TUBGCP3: variants seen among roughly 807,000 people sequenced by gnomAD.
TUBGCP3 encodes tubulin gamma complex component 3, also known as gamma-tubulin complex component 3.
In TUBGCP3, 50 loss-of-function variants were observed where a neutral mutation model predicts 123.1. That is an observed-to-expected ratio of 0.41 (90% CI 0.32 to 0.51). TUBGCP3 has a LOEUF of 0.51. Among genes scored for constraint, TUBGCP3 ranks in the 20% least tolerant of loss-of-function variants. The probability of loss-of-function intolerance (pLI) is 0.36; values close to 1 mark genes in which losing one functional copy is unlikely to be tolerated. For synonymous variants in TUBGCP3, 405 were observed against 413.9 expected (o/e 0.98, Z 0.26); for missense variants, 882 against 1,127.0 (o/e 0.78, Z 3.11).
At chr13:112,527,943 C>A (rs1290639573) in intron 11 of TUBGCP3, among the ~76,000 whole-genome samples, 1 of 152,228 alleles carries the variant, frequency 6.6e-6, no homozygotes, top group African/African-American at 2.4e-5. Flanking sequence ...TGTTCACAGA[C>A]AAGTCCCAAG....
At chr13:112,583,916 C>T (rs894916196) in intron 1 of TUBGCP3, 9 of 152,322 alleles carry the variant, frequency 5.9e-5, no homozygotes, top group East Asian at 3.8e-4. Context: ...TTTAATGTTT[C>T]GGATGCCAAG....
chr13:112,573,733 G>A (rs1269176857), intron 1 of TUBGCP3, among the ~76,000 whole-genome samples: 1 of 152,230 alleles, frequency 6.6e-6, no homozygotes, highest in African/African-American at 2.4e-5. Context: ...GCCAGGGTGG[G>A]ATAGCCTGCC....
chr13:112,507,526 G>C (rs1404319950), intron 17 of TUBGCP3, among the ~76,000 whole-genome samples: 4 of 152,212 alleles, frequency 2.6e-5, no homozygotes, highest in Non-Finnish European at 4.4e-5. Flanking sequence ...AGGGACTCTA[G>C]ATTTGTTACA....
chr13:112,489,137 G>A (rs1399514815), intron 21 of TUBGCP3, among the ~76,000 whole-genome samples: 2 of 145,664 alleles, frequency 1.4e-5, no homozygotes, highest in African/African-American at 5.2e-5. Context: ...CCACCACAGT[G>A]GAGCACAGGG....
the TUBGCP3 span, among the ~76,000 whole-genome samples, chr13:112,593,539 G>C: frequency 1.3e-5 from 2 of 152,158 alleles, no homozygotes; most frequent in Non-Finnish European, 2.9e-5. Context: ...CAGGCATGCT[G>C]CCGCGTGCCT....
At chr13:112,522,299 G>C in intron 14 of TUBGCP3, 21 bp downstream of exon 14, 1 of 1,495,534 alleles carries the variant, frequency 6.7e-7, no homozygotes, top group East Asian at 2.3e-5. Context: ...CTTATTTATA[G>C]AAATCAAAAT....
chr13:112,530,976 A>C (rs1353306004), intron 11 of TUBGCP3, among the ~76,000 whole-genome samples: 1 of 152,276 alleles, frequency 6.6e-6, no homozygotes, highest in African/African-American at 2.4e-5. Context: ...AGAATCAAGT[A>C]ATTCTAGCCA....
At chr13:112,536,905 A>G (rs2139130973) in intron 11 of TUBGCP3, among the ~76,000 whole-genome samples, 1 of 152,050 alleles carries the variant, frequency 6.6e-6, no homozygotes, top group African/African-American at 2.4e-5. Flanking sequence ...CCAAGAAGCT[A>G]GGACTACAGG....
chr13:112,527,073 A>T, intron 12 of TUBGCP3, 23 bp from the exon 13 acceptor site: 1 of 1,560,870 alleles, frequency 6.4e-7, no homozygotes, highest in Non-Finnish European at 8.8e-7. Context: ...ACATTCTATG[A>T]TTACTTTTAT....
At chr13:112,563,733 G>A (rs1252228936) in intron 3 of TUBGCP3, among the ~76,000 whole-genome samples, 1 of 149,638 alleles carries the variant, frequency 6.7e-6, no homozygotes, top group Non-Finnish European at 1.5e-5. Flanking sequence ...AAATTAGCCG[G>A]GCGTGTTGGC....
chr13:112,516,615 G>A (rs200995376), intron 16 of TUBGCP3, 40 bp from the exon 17 acceptor site: 32 of 1,600,036 alleles, frequency 2.0e-5, no homozygotes, highest in African/African-American at 6.7e-5. Flanking sequence ...GTATTCCCAC[G>A]TAAGAATCCT....
chr13:112,508,831 C>T lies in TUBGCP3; in HGVS notation c.2087-4117G>A, dbSNP rs949968394. On this transcript the variant is annotated intron_variant, in intron 17 of 21. Transcript: ENST00000261965. This position sits in a 1 kb window ranked among gnomAD's most constrained non-coding sequence, Gnocchi z 4.2. ...CACTGAGACTCCAACCACCTCCTGG[C>T]CTCCGTACACGCATCACCTGGTCCT... Among the ~76,000 whole-genome samples, 2 of 152,104 alleles carry T rather than the reference C, an allele frequency of 1.3e-5. No individual in the cohort carries two copies. The highest frequency in any genetic ancestry group is 2.9e-5 in the Non-Finnish European group (2 of 68,028).
At chr13:112,566,806 T>G (rs1466314717) in intron 2 of TUBGCP3, among the ~76,000 whole-genome samples, 1 of 152,246 alleles carries the variant, frequency 6.6e-6, no homozygotes, top group Non-Finnish European at 1.5e-5. Flanking sequence ...TGATTCTCTA[T>G]TAAATTTTAG....
At chr13:112,601,431 G>C in the TUBGCP3 span, among the ~76,000 whole-genome samples, 1 of 152,188 alleles carries the variant, frequency 6.6e-6, no homozygotes, top group Non-Finnish European at 1.5e-5. Context: ...CTTGAGATGA[G>C]TGTGGATTCA....
chr13:112,562,725 C>A lies in TUBGCP3; in HGVS notation c.252+2386G>T, dbSNP rs544714097. Among the ~76,000 whole-genome samples the A allele has an allele frequency of 1.0e-3, 155 of 152,294 alleles. 2 individuals are homozygous for A. Among genetic ancestry groups the A allele is most frequent in the Non-Finnish European group, 1.4e-3 (98 of 68,026 alleles). On this transcript the variant is annotated intron_variant, in intron 3 of 21. Transcript: ENST00000261965. The stretch of plus-strand genomic sequence containing the variant: ...ACCACCCGAAATCACTTCAGACCTG[C>A]CACCTCAGACTCTGAACTACAGGAC...
chr13:112,590,060 TCCACCTCCTGGGTTCACGCA>T (rs896776402), upstream of TUBGCP3, among the ~76,000 whole-genome samples: 6 of 151,814 alleles, frequency 4.0e-5, no homozygotes, highest in Non-Finnish European at 4.4e-5. Flanking sequence ...TGGCGTGAAC[TCCACCTCCTGGGTTCACGCA>T]ATTCTCCTGC....
rs1248070255 is a variant in TUBGCP3 at position 112,486,004 on chromosome 13, A to G, written c.2713T>C (p.Ser905Pro). The part of the protein sequence containing the change: ...VSLGTRGRRS[S>P]HT ...GAGGACCGCGAGCTTCACGTGTGGGAGCTGCGCCGCCCCCTGGTACCCAGA... is the reference window on the plus strand; with the variant it reads ...GAGGACCGCGAGCTTCACGTGTGGGGGCTGCGCCGCCCCCTGGTACCCAGA... Residue 905 changes from serine to proline, a missense_variant, in exon 22 of 22, where the codon TCC (serine) becomes CCC (proline). Coordinates refer to ENST00000261965, the MANE Select transcript of TUBGCP3 (RefSeq NM_006322.6). The G allele has an allele frequency of 2.5e-6, 4 of 1,600,592 alleles. No individual in the cohort carries two copies. In the Admixed American group the frequency reaches 6.7e-5, roughly 27 times the overall value.
At chr13:112,570,972 G>A (rs946009163) in intron 1 of TUBGCP3, among the ~76,000 whole-genome samples, 10 of 152,164 alleles carry the variant, frequency 6.6e-5, no homozygotes, top group Non-Finnish European at 1.5e-4. Flanking sequence ...ATTTTATCAT[G>A]AGATTGTGGC....
Position 112,499,161 on chromosome 13 carries a change from C to T in TUBGCP3, c.2332G>A (p.Val778Met). Residue 778 changes from valine to methionine, a missense_variant, in exon 20 of 22, where the codon GTG becomes ATG. Val to Met is a conservative substitution (Grantham distance 21). Around this residue, in one of 3 missense-constraint regions of TUBGCP3, gnomAD observed 160 missense variants for 220.3 expected, o/e 0.73. Coordinates refer to ENST00000261965, the MANE Select transcript of TUBGCP3 (RefSeq NM_006322.6). ...TGAAGTTCAATAATTTGATCAAACA[C>T]AGCTCTAAGTTGATTTAAAAGTGCC... Reference protein sequence around the residue: ...SRALLNQLRAVFDQIIELQNA... With the variant: ...SRALLNQLRAMFDQIIELQNA... The T allele has an allele frequency of 1.2e-6, 2 of 1,613,468 alleles. No homozygotes were observed. The highest frequency in any genetic ancestry group is 8.5e-7 in the Non-Finnish European group (1 of 1,179,866).
Sources: allele counts gnomAD v4.1 joint callset (sites outside exome capture counted in the v4.1 genomes callset), GRCh38; gene constraint gnomAD v4.1.1; regional missense constraint gnomAD v4.1.1; non-coding constraint Gnocchi (gnomAD v3.1); transcripts MANE v1.5; gene names NCBI Gene and HGNC (gene_info 2026-07-23, HGNC 2026-07-21).